The following LMBR1 variants were observed in gnomAD, a reference collection of about 807,000 sequenced individuals.
The protein encoded by LMBR1 is limb region 1 protein homolog.
Under a neutral mutation model 73.9 loss-of-function variants are expected in LMBR1, and 52 were observed. The ratio of observed to expected loss-of-function variants is 0.70; its 90% CI spans 0.56 to 0.89. The LOEUF (loss-of-function observed/expected upper bound fraction) is 0.89. LMBR1 is among the 40% of genes least tolerant of loss of function. The pLI is 0.00. For missense variants in LMBR1, 539 were observed against 579.8 expected (o/e 0.93, Z 0.72); for synonymous variants, 215 against 209.4 (o/e 1.03, Z -0.23).
chr7:156,845,319 A>T (rs1839414348), intron 1 of LMBR1, among the ~76,000 whole-genome samples: 1 of 152,184 alleles, frequency 6.6e-6, no homozygotes, highest in Non-Finnish European at 1.5e-5. Flanking sequence ...ATGGAGCAAG[A>T]TTCCGTCTCC....
intron 10 of LMBR1, among the ~76,000 whole-genome samples, chr7:156,731,102 T>C (rs1053282218): frequency 6.6e-6 from 1 of 152,144 alleles, no homozygotes; most frequent in African/African-American, 2.4e-5. Flanking sequence ...AATTTAAATC[T>C]ATAAAAAATA....
chr7:156,824,149 C>T (rs944750089), intron 4 of LMBR1, among the ~76,000 whole-genome samples: 4 of 151,850 alleles, frequency 2.6e-5, no homozygotes, highest in South Asian at 2.1e-4. Context: ...CACACGCGCG[C>T]GCGCTGAAAA....
At chr7:156,888,046 T>C (rs1346231903) in intron 1 of LMBR1, among the ~76,000 whole-genome samples, 1 of 152,226 alleles carries the variant, frequency 6.6e-6, no homozygotes, top group Non-Finnish European at 1.5e-5. Flanking sequence ...CCAGAAACTC[T>C]GGCTCCTTGC....
intron 1 of LMBR1, among the ~76,000 whole-genome samples, chr7:156,864,559 G>A (rs1330450403): frequency 6.6e-6 from 1 of 152,136 alleles, no homozygotes; most frequent in Non-Finnish European, 1.5e-5. Flanking sequence ...AGGTTTTTAT[G>A]AGAAAATAAC....
intron 1 of LMBR1, among the ~76,000 whole-genome samples, chr7:156,868,636 T>C (rs2134279927): frequency 6.6e-6 from 1 of 151,558 alleles, no homozygotes; most frequent in South Asian, 2.1e-4. Flanking sequence ...GCCCTCCAGC[T>C]TGGGCAACAG....
chr7:156,763,376 C>T (rs967373818), intron 6 of LMBR1, among the ~76,000 whole-genome samples, 200 bp from the exon 7 acceptor site: 1 of 151,370 alleles, frequency 6.6e-6, no homozygotes, highest in Non-Finnish European at 1.5e-5. Context: ...AACCCTTTAG[C>T]AAAACCTGTC....
chr7:156,858,094 A>T (rs904233336), intron 1 of LMBR1, among the ~76,000 whole-genome samples: 7 of 150,974 alleles, frequency 4.6e-5, no homozygotes, highest in Non-Finnish European at 8.9e-5. Flanking sequence ...AAAAAAGTTT[A>T]AAAAAAGCAC....
At chr7:156,872,110 AG>A (rs1411442310) in intron 1 of LMBR1, 1 of 152,190 alleles carries the variant, frequency 6.6e-6, no homozygotes, top group Non-Finnish European at 1.5e-5. Flanking sequence ...GTAGCCAGTC[AG>A]GTTTATCTGA....
At chr7:156,775,287 G>A (rs185480391) in intron 5 of LMBR1, among the ~76,000 whole-genome samples, 262 of 152,270 alleles carry the variant, frequency 1.7e-3, no homozygotes, top group Non-Finnish European at 2.0e-3. Flanking sequence ...AGAATCACTT[G>A]AACCTGGGAG....
At chr7:156,687,802 T>C in intron 16 of LMBR1, among the ~76,000 whole-genome samples, 1 of 152,204 alleles carries the variant, frequency 6.6e-6, no homozygotes, top group Admixed American at 6.5e-5. Context: ...CAGAATTATT[T>C]CCGTTGATCT....
At chr7:156,718,269 A>G (rs1813665279) in intron 15 of LMBR1, among the ~76,000 whole-genome samples, 3 of 151,764 alleles carry the variant, frequency 2.0e-5, no homozygotes, top group Admixed American at 1.3e-4. Flanking sequence ...GCATGGTGGC[A>G]GGCGCCTGTA....
intron 4 of LMBR1, among the ~76,000 whole-genome samples, chr7:156,825,974 A>T (rs1563462124): frequency 1.3e-5 from 2 of 152,106 alleles, no homozygotes; most frequent in African/African-American, 2.4e-5. Context: ...TAGAAACTAT[A>T]GCTGCTGTTT....
Position 156,820,771 on chromosome 7 carries a change from C to T in LMBR1, c.319+5834G>A, listed in dbSNP as rs75974423. Among the ~76,000 whole-genome samples the T allele has an allele frequency of 8.9e-4, 136 of 152,286 alleles. 1 individual carries two copies. The highest frequency in any genetic ancestry group is 3.4e-3 in the Middle Eastern group (1 of 294). On this transcript the variant is annotated intron_variant, in intron 4 of 16. Transcript: ENST00000353442. The stretch of plus-strand genomic sequence containing the variant: ...GTTTACTGAGCGGCCTGAAAAGCTG[C>T]TGGTTTTGAGTACAGCCCAGAAGGA...
chr7:156,892,900 T>TG, intron 1 of LMBR1, 28 bp downstream of exon 1: 1 of 1,453,594 alleles, frequency 6.9e-7, no homozygotes, highest in South Asian at 1.3e-5. Flanking sequence ...CACGCGGGAC[T>TG]GTCAGGGCTG....
At position 156,891,209 on chromosome 7, in the gene LMBR1, AAAATATAT is replaced by A. The variant is rs1192769531; in HGVS notation, c.66+1711_66+1718del. Among the ~76,000 whole-genome samples, 68 of 89,338 alleles carry A rather than the reference AAAATATAT, an allele frequency of 7.6e-4. 1 individual carries two copies. Among genetic ancestry groups the A allele is most frequent in the East Asian group, 3.6e-3 (13 of 3,586 alleles). The allele number at this position is 89,338 out of a possible 152,430, so 58.6% of individuals were successfully genotyped here. A position where few individuals can be genotyped will look rare whatever the true frequency, so the allele number is the denominator to read the frequency against. ...CCATCACAAAAAAAAAAAAAAAAAA[AAAATATAT>A]ATATATATATATATATACACACACA... is the stretch of plus-strand genomic sequence containing the variant. On this transcript the variant is annotated intron_variant, in intron 1 of 16. Coordinates refer to ENST00000353442, the MANE Select transcript of LMBR1 (RefSeq NM_022458.4).
At chr7:156,844,126 A>ACCAGCCTGGCCAACATGGAGAAACC (rs1180590590) in intron 1 of LMBR1, among the ~76,000 whole-genome samples, 28 of 151,952 alleles carry the variant, frequency 1.8e-4, no homozygotes, top group Admixed American at 5.2e-4. Context: ...AAAGTTCAAG[A>ACCAGCCTGGCCAACATGGAGAAACC]CCAGCCTGGC....
rs1828090644 is a variant in LMBR1 at position 156,786,298 on chromosome 7, A to C, written c.423+10091T>G. On this transcript the variant is annotated intron_variant, in intron 5 of 16. Transcript: ENST00000353442. The stretch of plus-strand genomic sequence containing the variant: ...AGGGAAGGAAGGAAGGAGGGAGGGG[A>C]AAAAAGAAGAAAAAGGTTAGCAGTG... Among the ~76,000 whole-genome samples, 2 of 152,076 alleles carry C rather than the reference A, an allele frequency of 1.3e-5. 1 individual carries two copies. The highest frequency in any genetic ancestry group is 1.3e-4 in the Admixed American group (2 of 15,254).
At chr7:156,860,146 CTGTTTT>C in intron 1 of LMBR1, among the ~76,000 whole-genome samples, 1 of 152,162 alleles carries the variant, frequency 6.6e-6, no homozygotes, top group Non-Finnish European at 1.5e-5. Context: ...TTGTATTAGT[CTGTTTT>C]CACACTGCCG....
chr7:156,858,455 A>G (rs1412340360), intron 1 of LMBR1, among the ~76,000 whole-genome samples: 1 of 152,224 alleles, frequency 6.6e-6, no homozygotes, highest in Non-Finnish European at 1.5e-5. Context: ...CCAGTCCCAG[A>G]TAGTTTCACT....
Sources: allele counts gnomAD v4.1 joint callset (sites outside exome capture counted in the v4.1 genomes callset), GRCh38; gene constraint gnomAD v4.1.1; transcripts MANE v1.5; gene names NCBI Gene and HGNC (gene_info 2026-07-23, HGNC 2026-07-21).